ABTB2: variants seen among roughly 807,000 people sequenced by gnomAD.
ABTB2 encodes the protein ankyrin repeat and BTB/POZ domain-containing protein 2.
ABTB2 carries 56 observed loss-of-function variants against 104.1 expected under a neutral mutation model. That is an observed-to-expected ratio of 0.54 (90% CI 0.43 to 0.67). The LOEUF is 0.67. Ranked by LOEUF, ABTB2 falls within the 30% of genes least tolerant of loss-of-function variation. ABTB2 has a pLI of 0.00. For missense variants in ABTB2, 1,279 were observed against 1,407.7 expected, an observed-to-expected ratio of 0.91 and a Z score of 1.46; for synonymous variants, 606 against 608.2, an observed-to-expected ratio of 1.00 and a Z score of 0.05.
At chr11:34,307,768 G>A (rs1404449650) in intron 1 of ABTB2, among the ~76,000 whole-genome samples, 1 of 151,358 alleles carries the variant, frequency 6.6e-6, no homozygotes, top group Admixed American at 6.6e-5. Flanking sequence ...GTGCGATCTC[G>A]GCTCACCGCA....
At chr11:34,215,250 C>A (rs1330658468) in intron 1 of ABTB2, among the ~76,000 whole-genome samples, 2 of 152,178 alleles carry the variant, frequency 1.3e-5, no homozygotes, top group Non-Finnish European at 2.9e-5. Context: ...CTGCATCCTT[C>A]CCCTGCTAGG....
intron 2 of ABTB2, among the ~76,000 whole-genome samples, chr11:34,204,318 C>G (rs1256285118): frequency 6.6e-6 from 1 of 152,168 alleles, no homozygotes; most frequent in Non-Finnish European, 1.5e-5. Flanking sequence ...GAATGGGGTA[C>G]CATGTTGCTA....
At chr11:34,295,008 C>T (rs894573010) in intron 1 of ABTB2, among the ~76,000 whole-genome samples, 9 of 152,050 alleles carry the variant, frequency 5.9e-5, no homozygotes, top group South Asian at 2.1e-4. Context: ...GCCACCACGC[C>T]GGGCCTCTAC....
At chr11:34,210,447 C>T (rs1172301329) in intron 1 of ABTB2, among the ~76,000 whole-genome samples, 2 of 152,188 alleles carry the variant, frequency 1.3e-5, no homozygotes, top group African/African-American at 4.8e-5. Context: ...CCCATATACA[C>T]ACACACAACT....
intron 1 of ABTB2, among the ~76,000 whole-genome samples, chr11:34,326,417 G>A (rs1236365377): frequency 6.6e-6 from 1 of 152,196 alleles, no homozygotes; most frequent in Non-Finnish European, 1.5e-5. Flanking sequence ...GAGGCCAAGA[G>A]TTCAAGACCA....
rs1320933064 is a variant in ABTB2, at chr11:34,252,260, G to C, written c.884-47570C>G. On this transcript the variant is annotated intron_variant, in intron 1 of 16. Coordinates refer to ENST00000435224, the MANE Select transcript of ABTB2 (RefSeq NM_145804.3). The surrounding 1 kb of genome is among the most constrained non-coding windows in gnomAD (Gnocchi z 5.5). Reference sequence around the variant, plus strand: ...GGCAGGAGTGACAGCGAGGAGGCCAGATGCACGAGCCTCTTCCTGAACCAT... The same window carrying C: ...GGCAGGAGTGACAGCGAGGAGGCCACATGCACGAGCCTCTTCCTGAACCAT... Among the ~76,000 whole-genome samples, 1 of 152,194 alleles carries C rather than the reference G, an allele frequency of 6.6e-6. No homozygotes were observed.
At chr11:34,234,899 C>T (rs571114080) in intron 1 of ABTB2, among the ~76,000 whole-genome samples, 2 of 152,204 alleles carry the variant, frequency 1.3e-5, no homozygotes, top group Admixed American at 6.5e-5. Flanking sequence ...GCTCCTTCGC[C>T]CAGGCTGGAG....
chr11:34,220,342 G>A (rs1268280717), intron 1 of ABTB2, among the ~76,000 whole-genome samples: 2 of 152,198 alleles, frequency 1.3e-5, no homozygotes, highest in East Asian at 3.8e-4. Flanking sequence ...GAGCCCTGGT[G>A]GACATCTTCC....
chr11:34,313,243 GA>G (rs1251182022), intron 1 of ABTB2, among the ~76,000 whole-genome samples: 2 of 152,232 alleles, frequency 1.3e-5, no homozygotes, highest in Non-Finnish European at 2.9e-5. Context: ...AGGAGTAACA[GA>G]ATGACCAGAC....
intron 3 of ABTB2, among the ~76,000 whole-genome samples, chr11:34,174,870 G>A (rs1458796023): frequency 6.6e-6 from 1 of 152,246 alleles, no homozygotes; most frequent in African/African-American, 2.4e-5. Context: ...TCAGCCTCCC[G>A]GCTCCTGCCT....
At chr11:34,165,173 A>G in intron 8 of ABTB2, 87 bp downstream of exon 8, 1 of 1,238,704 alleles carries the variant, frequency 8.1e-7, no homozygotes, top group Non-Finnish European at 1.1e-6. Context: ...TGCTAAAGAG[A>G]CCCCTGCACG....
At chr11:34,153,374 G>T (rs1852575549) in intron 16 of ABTB2, among the ~76,000 whole-genome samples, 1 of 152,028 alleles carries the variant, frequency 6.6e-6, no homozygotes, top group South Asian at 2.1e-4. Context: ...GTACTTTTTT[G>T]GGGGGCGGGG....
chr11:34,280,005 A>G (rs904783232), intron 1 of ABTB2, among the ~76,000 whole-genome samples: 1 of 152,066 alleles, frequency 6.6e-6, no homozygotes, highest in Non-Finnish European at 1.5e-5. Flanking sequence ...TCCTAACCTC[A>G]AGTGATCCAC....
chr11:34,356,141 A>T lies in ABTB2; in HGVS notation c.883+560T>A, dbSNP rs1855461808. On this transcript the variant is annotated intron_variant, in intron 1 of 16. Transcript: ENST00000435224. The surrounding 1 kb of genome is among the most constrained non-coding windows in gnomAD (Gnocchi z 4.6). Reference sequence around the variant, plus strand: ...CGAACCACTACCCCTCCATCCCCCAAGAGAGCGCCTGACAGCATCCTTCAG... The same window carrying T: ...CGAACCACTACCCCTCCATCCCCCATGAGAGCGCCTGACAGCATCCTTCAG... 6.6e-6 allele frequency among the ~76,000 whole-genome samples: 1 copy of T among 152,160 alleles called. No homozygotes were observed. The highest frequency in any genetic ancestry group is 1.5e-5 in the Non-Finnish European group (1 of 68,030).
At chr11:34,298,132 A>C (rs1047246032) in intron 1 of ABTB2, among the ~76,000 whole-genome samples, 4 of 149,792 alleles carry the variant, frequency 2.7e-5, no homozygotes, top group East Asian at 1.9e-4. Flanking sequence ...GTGTTTTGTT[A>C]TAACAGCATA....
At chr11:34,171,932 G>C in intron 4 of ABTB2, among the ~76,000 whole-genome samples, 1 of 152,304 alleles carries the variant, frequency 6.6e-6, no homozygotes, top group East Asian at 1.9e-4. Flanking sequence ...TGTGTTATAG[G>C]GGGCGCATCA....
At chr11:34,281,742 T>C (rs556603903) in intron 1 of ABTB2, among the ~76,000 whole-genome samples, 2 of 152,348 alleles carry the variant, frequency 1.3e-5, no homozygotes, top group African/African-American at 2.4e-5. Context: ...CATCGCAGGA[T>C]GGAAGCAAGG....
At chr11:34,186,164 G>A (rs1853095917) in intron 3 of ABTB2, among the ~76,000 whole-genome samples, 1 of 152,248 alleles carries the variant, frequency 6.6e-6, no homozygotes, top group South Asian at 2.1e-4. Flanking sequence ...CCTGAACTCG[G>A]CCGGGAACAG....
At chr11:34,160,604 G>A (rs755336228) in intron 11 of ABTB2, among the ~76,000 whole-genome samples, 117 of 150,488 alleles carry the variant, frequency 7.8e-4, no homozygotes, top group Middle Eastern at 3.4e-3. Flanking sequence ...AAGTCTGGGT[G>A]CTGTGTGTGT....
Sources: gnomAD v4.1 joint callset for allele counts (sites outside exome capture counted in the v4.1 genomes callset) on GRCh38, gnomAD v4.1.1 for gene constraint, Gnocchi (gnomAD v3.1) non-coding constraint, MANE v1.5 for transcripts, NCBI Gene and HGNC (gene_info 2026-07-23, HGNC 2026-07-21) for gene names.